DCDC1: variants seen among roughly 807,000 people sequenced by gnomAD.
DCDC1 encodes doublecortin domain-containing protein 1.
DCDC1 carries 200 observed loss-of-function variants against 178.3 expected under a neutral mutation model. That is an observed-to-expected ratio of 1.12 (90% CI 1.00 to 1.26). DCDC1 has a LOEUF of 1.26. Ranked by LOEUF, DCDC1 falls within the 50% of genes most tolerant of loss-of-function variation. DCDC1 has a pLI of 0.00. For missense variants in DCDC1, 1,983 were observed against 1,749.2 expected, an observed-to-expected ratio of 1.13 and a Z score of -2.38; for synonymous variants, 690 against 604.8, an observed-to-expected ratio of 1.14 and a Z score of -2.07.
chr11:30,951,325 A>G (rs1371167633), intron 21 of DCDC1, among the ~76,000 whole-genome samples: 1 of 152,160 alleles, frequency 6.6e-6, no homozygotes, highest in Non-Finnish European at 1.5e-5. Context: ...AGTAGAAGTC[A>G]GTGATGATGT....
At position 30,892,976 on chromosome 11, in the gene DCDC1, C is replaced by T; in HGVS notation, c.4924G>A (p.Glu1642Lys). ...GGAAAATTTATTTTGGATTCCATTTCTTGGATTTCAGAAAGGTGTGCCTGT... is the reference window on the plus strand; with the variant it reads ...GGAAAATTTATTTTGGATTCCATTTTTTGGATTTCAGAAAGGTGTGCCTGT... ...HTEAHLSEIQ[E>K]MESKINFPIA... The change falls in exon 36 of 39, where the codon GAA (glutamate) becomes AAA (lysine). Residue 1642 changes from glutamate to lysine, a missense_variant. Transcript: ENST00000684477. The T allele has an allele frequency of 6.2e-7, 1 of 1,613,766 alleles. No homozygotes were observed. The highest frequency in any genetic ancestry group is 1.3e-5 in the African/African-American group (1 of 75,004).
chr11:31,313,993 G>A (rs1261741032), intron 3 of DCDC1, among the ~76,000 whole-genome samples: 1 of 152,020 alleles, frequency 6.6e-6, no homozygotes, highest in African/African-American at 2.4e-5. Flanking sequence ...CATTACATCT[G>A]TAAATAACTC....
At chr11:31,220,158 T>C (rs1004691765) in intron 9 of DCDC1, among the ~76,000 whole-genome samples, 3 of 152,194 alleles carry the variant, frequency 2.0e-5, no homozygotes, top group Non-Finnish European at 2.9e-5. Context: ...TTGACACAAA[T>C]GACATTCTTA....
In DCDC1 at chr11:31,127,575, A is replaced by C. The variant is rs1400076483; in HGVS notation, c.1379T>G (p.Leu460Arg). 1 of 702,732 alleles carries C rather than the reference A, an allele frequency of 1.4e-6. No homozygotes were observed. Among genetic ancestry groups the C allele is most frequent in the South Asian group, 1.5e-5 (1 of 67,586 alleles). 43.5% of individuals were successfully genotyped at this position (702,732 alleles called of 1,614,324 possible). Reference sequence around the variant, plus strand: ...CTGCTCAGCCTGTAATTGGGGGCCAAGTTTACAGAGATGACCTATGTTACT... The same window carrying C: ...CTGCTCAGCCTGTAATTGGGGGCCACGTTTACAGAGATGACCTATGTTACT... ...IKSNIGHLCK[L>R]GPQLQAEQEQ... Residue 460 changes from leucine to arginine, a missense_variant, in exon 11 of 39, where the codon CTT (leucine) becomes CGT (arginine). Leu to Arg is a moderately radical substitution (Grantham distance 102). Coordinates refer to ENST00000684477, the MANE Select transcript of DCDC1 (RefSeq NM_001387274.1).
chr11:30,988,337 A>T (rs796865103), intron 20 of DCDC1, among the ~76,000 whole-genome samples: 17 of 152,264 alleles, frequency 1.1e-4, no homozygotes, highest in African/African-American at 4.1e-4. Flanking sequence ...TCATCCATTG[A>T]ACTTGGGGAT....
chr11:30,990,477 C>T (rs1447713314), intron 20 of DCDC1, among the ~76,000 whole-genome samples: 4 of 152,096 alleles, frequency 2.6e-5, no homozygotes, highest in Admixed American at 6.5e-5. Flanking sequence ...GAGTCGTGGG[C>T]TCTCAGCAAG....
intron 9 of DCDC1, among the ~76,000 whole-genome samples, chr11:31,148,507 C>G (rs1414262946): frequency 6.6e-6 from 1 of 151,780 alleles, no homozygotes; most frequent in Non-Finnish European, 1.5e-5. Context: ...CACCCTGTCT[C>G]AAAAAATAAA....
At chr11:31,146,922 T>C (rs1184504721) in intron 9 of DCDC1, among the ~76,000 whole-genome samples, 1 of 152,158 alleles carries the variant, frequency 6.6e-6, no homozygotes, top group Non-Finnish European at 1.5e-5. Context: ...TCAGGCCTCC[T>C]TCCGCCTGCC....
chr11:31,219,387 T>G (rs1392126068), intron 9 of DCDC1, among the ~76,000 whole-genome samples: 1 of 152,060 alleles, frequency 6.6e-6, no homozygotes, highest in Non-Finnish European at 1.5e-5. Flanking sequence ...CTAGAGCATT[T>G]TCAATAAACT....
At chr11:30,979,339 C>T (rs983865593) in intron 20 of DCDC1, among the ~76,000 whole-genome samples, 2 of 152,102 alleles carry the variant, frequency 1.3e-5, no homozygotes, top group African/African-American at 4.8e-5. Flanking sequence ...GGCCTAAATG[C>T]CAAATTACCT....
At chr11:30,865,876 T>C (rs1940936892) in intron 38 of DCDC1, among the ~76,000 whole-genome samples, 1 of 152,172 alleles carries the variant, frequency 6.6e-6, no homozygotes, top group African/African-American at 2.4e-5. Flanking sequence ...GTAGGGCACT[T>C]GTGCTATGAA....
chr11:31,325,739 G>T (rs1373462451), intron 3 of DCDC1, among the ~76,000 whole-genome samples: 1 of 152,042 alleles, frequency 6.6e-6, no homozygotes, highest in Non-Finnish European at 1.5e-5. Flanking sequence ...TTTGTAAAAA[G>T]TACAGTGTAT....
At chr11:31,070,078 T>C (rs1280438546) in intron 18 of DCDC1, among the ~76,000 whole-genome samples, 5 of 152,228 alleles carry the variant, frequency 3.3e-5, no homozygotes, top group Admixed American at 2.0e-4. Context: ...TTACAAATTG[T>C]CCTGGAATTT....
intron 7 of DCDC1, among the ~76,000 whole-genome samples, chr11:31,283,994 A>C (rs988548544): frequency 8.3e-5 from 11 of 132,956 alleles, no homozygotes; most frequent in Admixed American, 1.5e-4. Context: ...CTCTCTCTCT[A>C]CTACGATCCA....
At chr11:31,091,304 A>G (rs1375160757) in intron 17 of DCDC1, 89 bp downstream of exon 17, 2 of 593,732 alleles carry the variant, frequency 3.4e-6, no homozygotes, top group Non-Finnish European at 6.1e-6. Context: ...TGAATATTCA[A>G]TCCAAACCAG....
At chr11:30,941,353 T>C (rs1429540861) in intron 21 of DCDC1, among the ~76,000 whole-genome samples, 5 of 152,158 alleles carry the variant, frequency 3.3e-5, no homozygotes, top group African/African-American at 1.2e-4. Flanking sequence ...GGCCTTATAA[T>C]GACATGGAAG....
chr11:31,001,543 G>A (rs914765469), intron 20 of DCDC1, among the ~76,000 whole-genome samples: 2 of 152,136 alleles, frequency 1.3e-5, no homozygotes, highest in Non-Finnish European at 2.9e-5. Flanking sequence ...CTCTGCCACC[G>A]CAGCGAGGCT....
chr11:30,969,549 C>A (rs1381503265), intron 20 of DCDC1, among the ~76,000 whole-genome samples: 3 of 152,088 alleles, frequency 2.0e-5, no homozygotes, highest in African/African-American at 7.2e-5. Flanking sequence ...TTTAAGTCAC[C>A]AAGTTTGAGG....
intron 20 of DCDC1, among the ~76,000 whole-genome samples, chr11:30,992,024 G>A (rs1951018321): frequency 6.6e-6 from 1 of 152,162 alleles, no homozygotes; most frequent in Non-Finnish European, 1.5e-5. Context: ...AACCAAAAAT[G>A]AAAATGGTAC....
Sources: gnomAD v4.1 joint callset for allele counts (sites outside exome capture counted in the v4.1 genomes callset) on GRCh38, gnomAD v4.1.1 for gene constraint, MANE v1.5 for transcripts, NCBI Gene and HGNC (gene_info 2026-07-23, HGNC 2026-07-21) for gene names.